CRTC1: variants seen among roughly 807,000 people sequenced by gnomAD.
CRTC1 encodes CREB regulated transcription coactivator 1.
Under a neutral mutation model 66.1 loss-of-function variants are expected in CRTC1, and 18 were observed. The ratio of observed to expected loss-of-function variants is 0.27; its 90% CI spans 0.19 to 0.40. CRTC1 has a LOEUF of 0.40. Among genes scored for constraint, CRTC1 ranks in the 10% least tolerant of loss-of-function variants. CRTC1 has a pLI of 1.00. For synonymous variants in CRTC1, 416 were observed against 398.8 expected, an observed-to-expected ratio of 1.04 and a Z score of -0.51; for missense variants, 669 against 887.9, an observed-to-expected ratio of 0.75 and a Z score of 3.13.
intron 1 of CRTC1, among the ~76,000 whole-genome samples, chr19:18,731,928 C>T (rs760185217): frequency 1.1e-3 from 170 of 152,180 alleles, no homozygotes; most frequent in African/African-American, 2.2e-3. Context: ...CCCTGCACCC[C>T]GGGGGCTCCT....
At chr19:18,737,045 C>T (rs774898511) in intron 1 of CRTC1, among the ~76,000 whole-genome samples, 2 of 152,154 alleles carry the variant, frequency 1.3e-5, no homozygotes, top group African/African-American at 2.4e-5. Context: ...GGCCACCCGG[C>T]CTCCATTCCC....
intron 1 of CRTC1, among the ~76,000 whole-genome samples, chr19:18,736,888 C>T (rs1419974761): frequency 6.6e-6 from 1 of 152,176 alleles, no homozygotes; most frequent in Non-Finnish European, 1.5e-5. Flanking sequence ...TGGGCCTGAC[C>T]AAGGCTGGCC....
intron 1 of CRTC1, among the ~76,000 whole-genome samples, chr19:18,684,192 C>G (rs1041670176): frequency 6.6e-6 from 1 of 151,904 alleles, no homozygotes; most frequent in African/African-American, 2.4e-5. Context: ...GACAGGTGCC[C>G]CACATTATTA....
At chr19:18,719,946 G>A (rs1238473077) in intron 1 of CRTC1, among the ~76,000 whole-genome samples, 1 of 152,236 alleles carries the variant, frequency 6.6e-6, no homozygotes. Flanking sequence ...TTCTTGCCTG[G>A]GACCCAGGGG....
rs558998483 is a variant in CRTC1 at position 18,761,437 on chromosome 19, G to A, written c.886+1209G>A. 3.7e-3 allele frequency among the ~76,000 whole-genome samples: 569 copies of A among 152,274 alleles called. 3 individuals are homozygous for A. Among genetic ancestry groups the A allele is most frequent in the African/African-American group, 0.013 (537 of 41,550 alleles). The stretch of plus-strand genomic sequence containing the variant: ...TGGGGGTGACAGACGCCACCTTGCT[G>A]TGCTCTGTCTTGCCCCAGAGCTGGA... On this transcript the variant is annotated intron_variant, in intron 8 of 13. Transcript: ENST00000321949.
At chr19:18,724,553 G>T (rs181596281) in intron 1 of CRTC1, among the ~76,000 whole-genome samples, 1 of 151,886 alleles carries the variant, frequency 6.6e-6, no homozygotes, top group Admixed American at 6.5e-5. Flanking sequence ...GGTGTCGGCA[G>T]GGCCGAGCTT....
intron 1 of CRTC1, among the ~76,000 whole-genome samples, chr19:18,716,937 G>T (rs575823038): frequency 5.3e-5 from 8 of 152,158 alleles, no homozygotes; most frequent in African/African-American, 1.9e-4. Context: ...GAATGTGCTC[G>T]TGTGTGTGCA....
intron 1 of CRTC1, among the ~76,000 whole-genome samples, chr19:18,687,051 T>C (rs934869867): frequency 6.9e-6 from 1 of 144,206 alleles, no homozygotes; most frequent in Admixed American, 7.1e-5. Context: ...ACTCTTGCTC[T>C]GTTGCCCAGG....
chr19:18,770,765 G>A (rs986436853), intron 10 of CRTC1, among the ~76,000 whole-genome samples: 8 of 151,884 alleles, frequency 5.3e-5, no homozygotes, highest in African/African-American at 1.9e-4. Context: ...GTGTGCACAC[G>A]GTGTGTACAT....
intron 1 of CRTC1, among the ~76,000 whole-genome samples, chr19:18,689,583 A>ATATATATATATATATATG (rs60084986): frequency 7.6e-4 from 50 of 65,718 alleles, no homozygotes; most frequent in East Asian, 4.9e-3. Flanking sequence ...ATATATATAT[A>ATATATATATATATATATG]TATGTAATAT....
At chr19:18,729,221 C>T (rs1325739185) in intron 1 of CRTC1, among the ~76,000 whole-genome samples, 2 of 149,288 alleles carry the variant, frequency 1.3e-5, no homozygotes, top group Admixed American at 6.6e-5. Context: ...GTCAGGAGAT[C>T]GAGACCATCC....
At position 18,777,437 on chromosome 19, in the gene CRTC1, G is replaced by A. The variant is rs565966208; in HGVS notation, c.*55G>A. On this transcript the variant is annotated 3_prime_UTR_variant, in exon 14 of 14. Transcript: ENST00000321949. This position sits in a 1 kb window ranked among gnomAD's most constrained non-coding sequence, Gnocchi z 5.5. Reference sequence around the variant, plus strand: ...CGTCCCGACGGCGCCTCCCCAGCCCGGGGACGGCCGTGCTCCGTCCCTCGC... The same window carrying A: ...CGTCCCGACGGCGCCTCCCCAGCCCAGGGACGGCCGTGCTCCGTCCCTCGC... 61 of 1,493,224 alleles carry A rather than the reference G, an allele frequency of 4.1e-5. No individual in the cohort carries two copies. Among genetic ancestry groups the A allele is most frequent in the Admixed American group, 5.0e-5 (3 of 59,686 alleles). The allele number at this position is 1,493,224 out of a possible 1,614,324, so 92.5% of individuals were successfully genotyped here.
chr19:18,745,432 G>A (rs1374242214), intron 2 of CRTC1, among the ~76,000 whole-genome samples: 1 of 152,202 alleles, frequency 6.6e-6, no homozygotes, highest in Non-Finnish European at 1.5e-5. Flanking sequence ...GTAGGAGGCC[G>A]TCCAGGCCCG....
At position 18,779,296 on chromosome 19, in the gene CRTC1, A is replaced by G. The variant is rs1459097290; in HGVS notation, c.*1914A>G. On this transcript the variant is annotated 3_prime_UTR_variant, in exon 14 of 14. Transcript: ENST00000321949. The stretch of plus-strand genomic sequence containing the variant: ...CTCTTTGCCCGGCAATGCCTTTGGC[A>G]TGTGTCTGAGCAGCCAAGTGGCCAC... 2 of 226,944 alleles carry G rather than the reference A, an allele frequency of 8.8e-6. No individual in the cohort carries two copies. Among genetic ancestry groups the G allele is most frequent in the Non-Finnish European group, 1.7e-5 (2 of 114,292 alleles). The allele number at this position is 226,944 out of a possible 1,614,324, so 14.1% of individuals were successfully genotyped here.
intron 1 of CRTC1, among the ~76,000 whole-genome samples, chr19:18,705,825 G>C (rs993588720): frequency 6.6e-6 from 1 of 151,600 alleles, no homozygotes; most frequent in African/African-American, 2.4e-5. Context: ...ATGATATTTT[G>C]ATAGGGATTG....
At position 18,762,355 on chromosome 19, in the gene CRTC1, C is replaced by T. The variant is rs1018449478; in HGVS notation, c.886+2127C>T. 5.3e-5 allele frequency among the ~76,000 whole-genome samples: 8 copies of T among 152,114 alleles called. No individual in the cohort carries two copies. The East Asian group carries it at 5.8e-4, about 11-fold the overall frequency. On this transcript the variant is annotated intron_variant, in intron 8 of 13. Transcript: ENST00000321949. ...TGTGTTGGGTTGTTTGTGAACCTGC[C>T]GCCCAAGCAGCTCGCCTGGCAGGGG...
chr19:18,744,246 C>T (rs2054179114), intron 2 of CRTC1: 2 of 1,286,876 alleles, frequency 1.6e-6, no homozygotes, highest in African/African-American at 3.0e-5. Flanking sequence ...TCCCTGAGCT[C>T]CCCAAGCGGC....
At position 18,781,385 on chromosome 19, in the gene CRTC1, C is replaced by T. The variant is rs1006529437; in HGVS notation, c.*4003C>T. The T allele has an allele frequency of 2.2e-5, 5 of 229,676 alleles. No individual in the cohort carries two copies. Among genetic ancestry groups the T allele is most frequent in the African/African-American group, 1.1e-4 (5 of 45,074 alleles). 14.2% of individuals were successfully genotyped at this position (229,676 alleles called of 1,614,324 possible). On this transcript the variant is annotated 3_prime_UTR_variant, in exon 14 of 14. Transcript: ENST00000321949. ...CTCCATTTCCTGGGGGCTCTTGCGG[C>T]ATGTGATTTGGGGGTCCCTGGGACA...
intron 1 of CRTC1, among the ~76,000 whole-genome samples, chr19:18,707,625 A>G (rs923739350): frequency 2.6e-5 from 4 of 151,702 alleles, no homozygotes; most frequent in African/African-American, 7.3e-5. Flanking sequence ...ATTTTTTTCT[A>G]TTTCTTCAGG....
Sources: gnomAD v4.1 joint callset for allele counts (sites outside exome capture counted in the v4.1 genomes callset) on GRCh38, gnomAD v4.1.1 for gene constraint, Gnocchi (gnomAD v3.1) non-coding constraint, MANE v1.5 for transcripts, NCBI Gene and HGNC (gene_info 2026-07-23, HGNC 2026-07-21) for gene names.